The following DDN variants were observed in gnomAD, a reference collection of about 807,000 sequenced individuals.
The protein encoded by DDN is dendrin.
In DDN, 4 loss-of-function variants were observed where a neutral mutation model predicts 7.3. The ratio of observed to expected loss-of-function variants is 0.55; its 90% CI spans 0.27 to 1.25. The LOEUF (loss-of-function observed/expected upper bound fraction) is 1.25. DDN is among the 50% of genes most tolerant of loss of function. The probability of loss-of-function intolerance (pLI) is 0.12; values close to 1 mark genes in which losing one functional copy is unlikely to be tolerated. For missense variants in DDN, 933 were observed against 974.7 expected (o/e 0.96, Z 0.57); for synonymous variants, 425 against 424.3 (o/e 1.00, Z -0.02).
In DDN at chr12:48,998,356, C is replaced by G; in HGVS notation, c.520G>C (p.Ala174Pro). The G allele has an allele frequency of 2.6e-6, 4 of 1,512,076 alleles. No homozygotes were observed. Among genetic ancestry groups the G allele is most frequent in the Non-Finnish European group, 3.5e-6 (4 of 1,137,756 alleles). The allele number at this position is 1,512,076 out of a possible 1,614,324, so 93.7% of individuals were successfully genotyped here. A position where few individuals can be genotyped will look rare whatever the true frequency, so the allele number is the denominator to read the frequency against. ...RPERLAPVGR[A>P]PRPSAQPQSD... Reference sequence around the variant, plus strand: ...TGCGGCTGCGCGGATGGACGGGGCGCTCGCCCCACAGGCGCCAGGCGCTCC... The same window carrying G: ...TGCGGCTGCGCGGATGGACGGGGCGGTCGCCCCACAGGCGCCAGGCGCTCC... The change falls in exon 2 of 2, where the codon GCG (alanine) becomes CCG (proline). Residue 174 changes from alanine (A) to proline (P), a missense_variant. Physicochemically the swap from Ala to Pro is conservative, Grantham distance 27. Coordinates refer to ENST00000421952, the MANE Select transcript of DDN (RefSeq NM_015086.2).
chr12:48,998,359 G>A lies in DDN; in HGVS notation c.517C>T (p.Arg173Ter). The A allele has an allele frequency of 6.7e-7, 1 of 1,502,418 alleles. No individual in the cohort carries two copies. Among genetic ancestry groups the A allele is most frequent in the Non-Finnish European group, 8.8e-7 (1 of 1,133,790 alleles). 93.1% of individuals were successfully genotyped at this position (1,502,418 alleles called of 1,614,324 possible). A position where few individuals can be genotyped will look rare whatever the true frequency, so the allele number is the denominator to read the frequency against. Residue 173 changes from arginine to a stop codon, truncating the protein, a stop_gained, in exon 2 of 2, where the codon CGA becomes TGA. Transcript: ENST00000421952. LOFTEE classifies it low-confidence loss of function (END_TRUNC). ...GGCTGCGCGGATGGACGGGGCGCTC[G>A]CCCCACAGGCGCCAGGCGCTCCGGC... ...LRPERLAPVG[R>*]APRPSAQPQS... is the part of the protein sequence containing the mutation.
In DDN at chr12:48,998,401, G is replaced by T. The variant is rs202154840; in HGVS notation, c.475C>A (p.Leu159Ile). Residue 159 changes from leucine to isoleucine, a missense_variant, in exon 2 of 2, where the codon CTC becomes ATC. Transcript: ENST00000421952. ...CGCTCCGGCCGCAAGGGAGCAGGGAGCCCTGCCAGCTGGGCCACCCGAGGG... is the reference window on the plus strand; with the variant it reads ...CGCTCCGGCCGCAAGGGAGCAGGGATCCCTGCCAGCTGGGCCACCCGAGGG... ...NAPRVAQLAGLPAPLRPERLA... is the reference protein window; with the variant it reads ...NAPRVAQLAGIPAPLRPERLA... 1.3e-5 allele frequency: 20 copies of T among 1,497,688 alleles called. 1 individual carries two copies. In the Middle Eastern group the frequency reaches 5.7e-4, roughly 43 times the overall value. The allele number at this position is 1,497,688 out of a possible 1,614,324, so 92.8% of individuals were successfully genotyped here.
chr12:48,996,932 G>C lies in DDN; in HGVS notation c.1944C>G (p.Ala648=). ...SGSSDGSDTE[A]PGASWRNERT... Reference sequence around the variant, plus strand: ...TCTCATTCCGCCAGGAGGCGCCCGGGGCTTCTGTGTCGCTTCCATCAGAGG... The same window carrying C: ...TCTCATTCCGCCAGGAGGCGCCCGGCGCTTCTGTGTCGCTTCCATCAGAGG... The change falls in exon 2 of 2, where the codon GCC becomes GCG. Residue 648 remains alanine, a synonymous_variant. Coordinates refer to ENST00000421952, the MANE Select transcript of DDN (RefSeq NM_015086.2). 1.3e-6 allele frequency: 2 copies of C among 1,599,218 alleles called. No homozygotes were observed. Among genetic ancestry groups the C allele is most frequent in the Non-Finnish European group, 1.7e-6 (2 of 1,172,394 alleles).
chr12:48,998,960 A>C, intron 1 of DDN, 119 bp downstream of exon 1: 1 of 1,195,070 alleles, frequency 8.4e-7, no homozygotes, highest in South Asian at 1.4e-5. Context: ...GGGAGCGGGC[A>C]GAGGTGGAAG....
rs757627774 is a variant in DDN at position 48,997,460 on chromosome 12, G to C, written c.1416C>G (p.Thr472=). Residue 472 remains threonine, a synonymous_variant, in exon 2 of 2, where the codon ACC becomes ACG. Coordinates refer to ENST00000421952, the MANE Select transcript of DDN (RefSeq NM_015086.2). ...CAGAGGGCAAAAGCTGCACCTGCTG[G>C]GTTCGGGGGGTTGGAACATATTGGG... is the stretch of plus-strand genomic sequence containing the variant. ...IRSQYVPTPR[T]QQVQLLPSGV... is the part of the protein sequence containing the mutation. 2 of 1,614,034 alleles carry C rather than the reference G, an allele frequency of 1.2e-6. No individual in the cohort carries two copies. The highest frequency in any genetic ancestry group is 1.1e-5 in the South Asian group (1 of 91,084).
chr12:48,997,812 G>C lies in DDN; in HGVS notation c.1064C>G (p.Pro355Arg). ...TCTGGGAGCGGGATGCGGGGCACAG[G>C]GAGCCGCAGTTGCAGACCCCGCAGG... ...IAPAGSATAA[P>R]CAPHPAPRSR... The change falls in exon 2 of 2, where the codon CCC becomes CGC. Residue 355 changes from proline to arginine, a missense_variant. Transcript: ENST00000421952. 1 of 1,613,944 alleles carries C rather than the reference G, an allele frequency of 6.2e-7. No individual in the cohort carries two copies. Among genetic ancestry groups the C allele is most frequent in the Non-Finnish European group, 8.5e-7 (1 of 1,179,918 alleles).
Position 48,999,066 on chromosome 12 carries a change from C to T in DDN, c.209+13G>A, listed in dbSNP as rs200240156. ...CCCCACCACTCTCTTCCCCTCACCC[C>T]TGCTTCACTCACGTGCGGTTCTGGA... On this transcript the variant is annotated intron_variant, in intron 1 of 1. Transcript: ENST00000421952. 3 of 1,613,854 alleles carry T rather than the reference C, an allele frequency of 1.9e-6. No individual in the cohort carries two copies. Among genetic ancestry groups the T allele is most frequent in the African/African-American group, 1.3e-5 (1 of 74,906 alleles).
In DDN at chr12:48,998,575, G is replaced by T. The variant is rs376558582; in HGVS notation, c.301C>A (p.Pro101Thr). 5.0e-6 allele frequency: 8 copies of T among 1,589,698 alleles called. No homozygotes were observed. In the Admixed American group the frequency reaches 1.0e-4, roughly 20 times the overall value. The change falls in exon 2 of 2, where the codon CCC (proline) becomes ACC (threonine). Residue 101 changes from proline to threonine, a missense_variant. Coordinates refer to ENST00000421952, the MANE Select transcript of DDN (RefSeq NM_015086.2). Reference protein sequence around the residue: ...LQEATNWRAGPLAEVRAREQE... With the variant: ...LQEATNWRAGTLAEVRAREQE... The stretch of plus-strand genomic sequence containing the variant: ...TCCCGAGCTCGGACCTCGGCCAGGG[G>T]CCCCGCCCGCCAGTTGGTCGCCTCC...
Position 48,997,796 on chromosome 12 carries a change from G to A in DDN, c.1080C>T (p.Pro360=), listed in dbSNP as rs753234524. ...SATAAPCAPH[P]APRSRHHLKG... ...TGAGGTGGTGCCTGGATCTGGGAGC[G>A]GGATGCGGGGCACAGGGAGCCGCAG... The change falls in exon 2 of 2, where the codon CCC becomes CCT. Residue 360 remains proline, a synonymous_variant. Coordinates refer to ENST00000421952, the MANE Select transcript of DDN (RefSeq NM_015086.2). 2.7e-5 allele frequency: 44 copies of A among 1,613,032 alleles called. No homozygotes were observed. In the South Asian group the frequency reaches 3.7e-4, roughly 14 times the overall value.
rs1941197764 is a variant in DDN, at chr12:48,995,866, G to A, written c.*874C>T. ...CCCCAGCTCAGACCACCACAGGCCAGGGTCAGTGACAGGGCCGCTATCTTG... is the reference window on the plus strand; with the variant it reads ...CCCCAGCTCAGACCACCACAGGCCAAGGTCAGTGACAGGGCCGCTATCTTG... On this transcript the variant is annotated 3_prime_UTR_variant, in exon 2 of 2. Coordinates refer to ENST00000421952, the MANE Select transcript of DDN (RefSeq NM_015086.2). 6.5e-6 allele frequency: 1 copy of A among 152,908 alleles called. No homozygotes were observed. The highest frequency in any genetic ancestry group is 2.4e-5 in the African/African-American group (1 of 41,452). 9.5% of individuals were successfully genotyped at this position (152,908 alleles called of 1,614,324 possible). A position where few individuals can be genotyped will look rare whatever the true frequency, so the allele number is the denominator to read the frequency against.
Position 48,997,532 on chromosome 12 carries a change from A to G in DDN, c.1344T>C (p.Arg448=). Residue 448 remains arginine (R), a synonymous_variant, in exon 2 of 2, where the codon CGT becomes CGC. Coordinates refer to ENST00000421952, the MANE Select transcript of DDN (RefSeq NM_015086.2). The stretch of plus-strand genomic sequence containing the variant: ...CGTCAATGACAAAGACGCCTTCCCC[A>G]CGGGACAGGCCCTGGGAACTGCGGG... ...TLPRSSQGLS[R]GEGVFVIDAT... The G allele has an allele frequency of 1.2e-6, 2 of 1,607,674 alleles. No homozygotes were observed. The highest frequency in any genetic ancestry group is 1.7e-6 in the Non-Finnish European group (2 of 1,175,420).
Position 48,996,980 on chromosome 12 carries a change from C to A in DDN, c.1896G>T (p.Glu632Asp), listed in dbSNP as rs1401229157. 3.8e-6 allele frequency: 6 copies of A among 1,571,280 alleles called. No individual in the cohort carries two copies. The highest frequency in any genetic ancestry group is 5.2e-6 in the Non-Finnish European group (6 of 1,158,004). Residue 632 changes from glutamate to aspartate, a missense_variant, in exon 2 of 2, where the codon GAG (glutamate) becomes GAT (aspartate). Coordinates refer to ENST00000421952, the MANE Select transcript of DDN (RefSeq NM_015086.2). ...TAPDSDTDEA[E>D]ELSVHSGSSD... ...AGGAGCCGCTATGGACGCTGAGCTC[C>A]TCAGCTTCGTCCGTGTCCGAGTCAG... is the stretch of plus-strand genomic sequence containing the variant.
At position 48,996,926 on chromosome 12, in the gene DDN, G is replaced by C; in HGVS notation, c.1950C>G (p.Gly650=). ...SSDGSDTEAP[G]ASWRNERTLP... ...GGGTCCTCTCATTCCGCCAGGAGGC[G>C]CCCGGGGCTTCTGTGTCGCTTCCAT... Residue 650 remains glycine (G), a synonymous_variant, in exon 2 of 2, where the codon GGC becomes GGG. Coordinates refer to ENST00000421952, the MANE Select transcript of DDN (RefSeq NM_015086.2). 1.2e-6 allele frequency: 2 copies of C among 1,603,524 alleles called. No individual in the cohort carries two copies. Among genetic ancestry groups the C allele is most frequent in the Non-Finnish European group, 1.7e-6 (2 of 1,174,582 alleles).
Position 48,996,477 on chromosome 12 carries a change from C to G in DDN, c.*263G>C. 2.1e-6 allele frequency: 1 copy of G among 470,332 alleles called. No individual in the cohort carries two copies. The highest frequency in any genetic ancestry group is 3.7e-6 in the Non-Finnish European group (1 of 273,826). The allele number at this position is 470,332 out of a possible 1,614,324, so 29.1% of individuals were successfully genotyped here. Reference sequence around the variant, plus strand: ...TAGGCCTCTCTGCTCAGCTCCACACCCAGTGCATCAGCCCCTGCGAAGAGC... The same window carrying G: ...TAGGCCTCTCTGCTCAGCTCCACACGCAGTGCATCAGCCCCTGCGAAGAGC... On this transcript the variant is annotated 3_prime_UTR_variant, in exon 2 of 2. Coordinates refer to ENST00000421952, the MANE Select transcript of DDN (RefSeq NM_015086.2).
chr12:48,998,932 A>C (rs931267308), intron 1 of DDN, 147 bp downstream of exon 1: 2 of 987,446 alleles, frequency 2.0e-6, no homozygotes, highest in Non-Finnish European at 3.0e-6. Flanking sequence ...CAACGGGATG[A>C]GTCAGGCCCC....
rs771222803 is a variant in DDN, at chr12:48,997,391, G to A, written c.1485C>T (p.Pro495=). ...VVGDSPSQSK[P]GKEEGEGATV... ...TGGCCCCTTCACCCTCCTCCTTGCCGGGCTTCGATTGGCTGGGGGAATCCC... is the reference window on the plus strand; with the variant it reads ...TGGCCCCTTCACCCTCCTCCTTGCCAGGCTTCGATTGGCTGGGGGAATCCC... The change falls in exon 2 of 2, where the codon CCC becomes CCT. Residue 495 remains proline, a synonymous_variant. Coordinates refer to ENST00000421952, the MANE Select transcript of DDN (RefSeq NM_015086.2). 7.4e-6 allele frequency: 12 copies of A among 1,613,928 alleles called. No individual in the cohort carries two copies. The Admixed American group carries it at 1.8e-4, about 25-fold the overall frequency.
rs1203889421 is a variant in DDN at position 48,997,816 on chromosome 12, C to A, written c.1060G>T (p.Ala354Ser). 1.2e-6 allele frequency: 2 copies of A among 1,613,914 alleles called. No homozygotes were observed. Among genetic ancestry groups the A allele is most frequent in the Middle Eastern group, 1.7e-4 (1 of 6,056 alleles). Residue 354 changes from alanine to serine, a missense_variant, in exon 2 of 2, where the codon GCT becomes TCT. Coordinates refer to ENST00000421952, the MANE Select transcript of DDN (RefSeq NM_015086.2). ...GGAGCGGGATGCGGGGCACAGGGAGCCGCAGTTGCAGACCCCGCAGGAGCT... is the reference window on the plus strand; with the variant it reads ...GGAGCGGGATGCGGGGCACAGGGAGACGCAGTTGCAGACCCCGCAGGAGCT... ...EIAPAGSATA[A>S]PCAPHPAPRS... is the part of the protein sequence containing the mutation.
At position 48,995,510 on chromosome 12, in the gene DDN, G is replaced by T. The variant is rs1012542806; in HGVS notation, c.*1230C>A. ...CCGCACGGCTGGAGACTGCAAGGCG[G>T]GGGACCCGCGCTCGGGAACTAGGGA... is the stretch of plus-strand genomic sequence containing the variant. On this transcript the variant is annotated 3_prime_UTR_variant, in exon 2 of 2. Transcript: ENST00000421952. The T allele has an allele frequency of 6.6e-6, 1 of 152,366 alleles. No individual in the cohort carries two copies. The highest frequency in any genetic ancestry group is 1.5e-5 in the Non-Finnish European group (1 of 68,142). The allele number at this position is 152,366 out of a possible 1,614,324, so 9.4% of individuals were successfully genotyped here.
At position 48,998,340 on chromosome 12, in the gene DDN, G is replaced by A. The variant is rs762769027; in HGVS notation, c.536C>T (p.Ala179Val). ...CGACCCTGGGTCGCTCTGCGGCTGCGCGGATGGACGGGGCGCTCGCCCCAC... is the reference window on the plus strand; with the variant it reads ...CGACCCTGGGTCGCTCTGCGGCTGCACGGATGGACGGGGCGCTCGCCCCAC... ...APVGRAPRPSAQPQSDPGSAW... is the reference protein window; with the variant it reads ...APVGRAPRPSVQPQSDPGSAW... Residue 179 changes from alanine to valine, a missense_variant, in exon 2 of 2, where the codon GCG becomes GTG. Coordinates refer to ENST00000421952, the MANE Select transcript of DDN (RefSeq NM_015086.2). 9 of 1,527,462 alleles carry A rather than the reference G, an allele frequency of 5.9e-6. No individual in the cohort carries two copies. The African/African-American group carries it at 1.1e-4, about 19-fold the overall frequency. The allele number at this position is 1,527,462 out of a possible 1,614,324, so 94.6% of individuals were successfully genotyped here. A position where few individuals can be genotyped will look rare whatever the true frequency, so the allele number is the denominator to read the frequency against.
Sources: allele counts gnomAD v4.1 joint callset, GRCh38; gene constraint gnomAD v4.1.1; transcripts MANE v1.5; gene names NCBI Gene and HGNC (gene_info 2026-07-23, HGNC 2026-07-21).